SYNE1: variants seen among roughly 807,000 people sequenced by gnomAD.
SYNE1 encodes the protein spectrin repeat containing nuclear envelope protein 1, also known as nesprin-1.
In SYNE1, 616 loss-of-function variants were observed where a neutral mutation model predicts 1,111.0. The observed-to-expected ratio is 0.55, with a 90% CI of 0.52 to 0.59. The LOEUF (loss-of-function observed/expected upper bound fraction) is 0.59, where lower values mean the gene tolerates loss of function less well. Among genes scored for constraint, SYNE1 ranks in the 20% least tolerant of loss-of-function variants. SYNE1 has a pLI of 0.00. For missense variants in SYNE1, 10,006 were observed against 10,417.0 expected (o/e 0.96, Z 1.72); for synonymous variants, 3,855 against 3,825.8 (o/e 1.01, Z -0.28).
At chr6:152,231,623 A>G in intron 113 of SYNE1, 56 bp from the exon 114 acceptor site, 1 of 1,570,832 alleles carries the variant, frequency 6.4e-7, no homozygotes, top group Non-Finnish European at 8.7e-7. Context: ...TTAGTTTTCC[A>G]GGAGTTGGAA....
intron 121 of SYNE1, 64 bp from the exon 122 acceptor site, chr6:152,215,124 T>G: frequency 6.3e-7 from 1 of 1,580,996 alleles, no homozygotes; most frequent in Non-Finnish European, 8.7e-7. Flanking sequence ...TTTTTCAAAG[T>G]GCGCAGTGAA....
rs1304236184 is a variant in SYNE1 at position 152,122,283 on chromosome 6, C to T, written c.*153G>A. 8.5e-7 allele frequency: 1 copy of T among 1,181,554 alleles called. No individual in the cohort carries two copies. The highest frequency in any genetic ancestry group is 1.5e-5 in the African/African-American group (1 of 66,442). The allele number at this position is 1,181,554 out of a possible 1,614,324, so 73.2% of individuals were successfully genotyped here. ...ACTGTTTATCTTCCACCTCTGAAGC[C>T]ATAATTTGCACACATGTGATCTGGA... On this transcript the variant is annotated 3_prime_UTR_variant, in exon 146 of 146. Transcript: ENST00000367255.
rs762111366 is a variant in SYNE1, at chr6:152,416,881, C to T, written c.5556G>A (p.Leu1852=). 7.4e-6 allele frequency: 12 copies of T among 1,613,772 alleles called. No homozygotes were observed. Among genetic ancestry groups the T allele is most frequent in the Non-Finnish European group, 1.0e-5 (12 of 1,179,718 alleles). The stretch of plus-strand genomic sequence containing the variant: ...CCACAACCTGGCTGGCCTCCTCAAA[C>T]AGCTGGAAGCAGTCCTCAGCCTTTC... ...LQGKAEDCFQ[L]FEEASQVVER... Residue 1852 remains leucine, a synonymous_variant, in exon 41 of 146, where the codon CTG becomes CTA. Transcript: ENST00000367255.
intron 3 of SYNE1, among the ~76,000 whole-genome samples, chr6:152,613,756 C>T (rs1208352121): frequency 3.3e-5 from 5 of 152,138 alleles, no homozygotes; most frequent in Non-Finnish European, 7.4e-5. Flanking sequence ...CCACAGTAAC[C>T]AAAGCAGCAT....
intron 107 of SYNE1, 126 bp downstream of exon 107, chr6:152,242,114 G>A: frequency 1.0e-6 from 1 of 998,294 alleles, no homozygotes; most frequent in South Asian, 1.4e-5. Context: ...CATTTTTAAA[G>A]AATAACTTAT....
intron 6 of SYNE1, among the ~76,000 whole-genome samples, chr6:152,519,542 A>C (rs2099128755): frequency 1.3e-5 from 2 of 152,224 alleles, no homozygotes; most frequent in South Asian, 4.1e-4. Flanking sequence ...TCCCTACTGG[A>C]ATAAATAATT....
At chr6:152,224,460 T>A in intron 117 of SYNE1, 34 bp downstream of exon 117, 1 of 1,600,944 alleles carries the variant, frequency 6.2e-7, no homozygotes, top group Non-Finnish European at 8.6e-7. Flanking sequence ...AAAATTAAAA[T>A]GAACGTTAAG....
chr6:152,599,982 C>G (rs940107435), intron 3 of SYNE1, among the ~76,000 whole-genome samples: 1 of 152,000 alleles, frequency 6.6e-6, no homozygotes, highest in Non-Finnish European at 1.5e-5. Flanking sequence ...TGGGTTGAAC[C>G]AAAAAATAAT....
At chr6:152,244,783 A>T in intron 105 of SYNE1, 127 bp from the exon 106 acceptor site, 1 of 1,282,778 alleles carries the variant, frequency 7.8e-7, no homozygotes, top group Non-Finnish European at 1.1e-6. Context: ...TACAAAAGGA[A>T]TCATTTCAAT....
At chr6:152,630,045 T>C (rs183892679) in intron 2 of SYNE1, among the ~76,000 whole-genome samples, 1 of 152,188 alleles carries the variant, frequency 6.6e-6, no homozygotes, top group African/African-American at 2.4e-5. Flanking sequence ...TATTTTAAAA[T>C]GGCATTACTA....
chr6:152,421,453 T>A (rs1411783212), intron 39 of SYNE1, among the ~76,000 whole-genome samples: 1 of 152,112 alleles, frequency 6.6e-6, no homozygotes, highest in African/African-American at 2.4e-5. Context: ...TGCAAATAAG[T>A]TGATCCTACT....
Position 152,352,056 on chromosome 6 carries a change from C to T in SYNE1, c.11551G>A (p.Glu3851Lys), listed in dbSNP as rs1483177354. The change falls in exon 70 of 146, where the codon GAG becomes AAG. Residue 3851 changes from glutamate to lysine, a missense_variant. Around this residue, in one of 7 missense-constraint regions of SYNE1, gnomAD observed 4,955 missense variants for 5,017.2 expected, o/e 0.99. Transcript: ENST00000367255. ...VPEEPKMELY[E>K]KKAQLSKYKS... ...TATTTAGATAACTGAGCTTTTTTCT[C>T]ATATAATTCCATTTTGGGTTCTTCA... is the stretch of plus-strand genomic sequence containing the variant. The T allele has an allele frequency of 1.2e-5, 20 of 1,613,956 alleles. No individual in the cohort carries two copies. The highest frequency in any genetic ancestry group is 1.6e-5 in the Non-Finnish European group (19 of 1,180,032).
In SYNE1 at chr6:152,309,844, G is replaced by A. The variant is rs2095495357; in HGVS notation, c.17193C>T (p.Asn5731=). The change falls in exon 90 of 146, where the codon AAC becomes AAT. Residue 5731 remains asparagine (N), a synonymous_variant. Transcript: ENST00000367255. ...RLQHTAIQQC[N]IMQEAVVQYE... is the part of the protein sequence containing the mutation. ...GGTACCCTGCACCTGCCTGCATGATGTTACACTGCTGGATGGCGGTGTGCT... is the reference window on the plus strand; with the variant it reads ...GGTACCCTGCACCTGCCTGCATGATATTACACTGCTGGATGGCGGTGTGCT... 1 of 1,613,820 alleles carries A rather than the reference G, an allele frequency of 6.2e-7. No individual in the cohort carries two copies. Among genetic ancestry groups the A allele is most frequent in the African/African-American group, 1.3e-5 (1 of 74,932 alleles).
chr6:152,155,913 A>C lies in SYNE1; in HGVS notation c.23975T>G (p.Leu7992Arg). 6.2e-7 allele frequency: 1 copy of C among 1,613,954 alleles called. No homozygotes were observed. The highest frequency in any genetic ancestry group is 1.3e-5 in the African/African-American group (1 of 75,014). ...NICAMSMERR[L>R]KIEETWRLWQ... ...CTGTTTCAGCATCCCAGCTCACTTC[A>C]GCCTCCTTTCCATGGACATAGCACA... is the stretch of plus-strand genomic sequence containing the variant. The change falls in exon 132 of 146, where the codon CTG (leucine) becomes CGG (arginine). Residue 7992 changes from leucine to arginine, a missense_variant. By Grantham distance (102) the Leu-to-Arg change is moderately radical. Around this residue, in one of 7 missense-constraint regions of SYNE1, gnomAD observed 2,182 missense variants for 2,287.8 expected, o/e 0.95. Coordinates refer to ENST00000367255, the MANE Select transcript of SYNE1 (RefSeq NM_182961.4).
At chr6:152,560,107 C>T (rs1382614896) in intron 3 of SYNE1, among the ~76,000 whole-genome samples, 2 of 152,142 alleles carry the variant, frequency 1.3e-5, no homozygotes, top group Admixed American at 1.3e-4. Flanking sequence ...AATCCCAGCA[C>T]TGTGGGAGGC....
chr6:152,230,447 T>C (rs2082529126), intron 115 of SYNE1, 100 bp downstream of exon 115: 1 of 1,310,256 alleles, frequency 7.6e-7, no homozygotes, highest in African/African-American at 1.5e-5. Context: ...TTTTAAATAT[T>C]TAAAAAAATA....
At chr6:152,416,346 A>C (rs1404743753) in intron 41 of SYNE1, 41 bp downstream of exon 41, 2 of 1,610,608 alleles carry the variant, frequency 1.2e-6, no homozygotes, top group Admixed American at 1.7e-5. Flanking sequence ...GAACAAATAC[A>C]AAAGAAAAGA....
chr6:152,606,637 G>A (rs932697297), intron 3 of SYNE1, among the ~76,000 whole-genome samples: 3 of 142,906 alleles, frequency 2.1e-5, no homozygotes, highest in African/African-American at 8.0e-5. Flanking sequence ...TGGTTTTTCT[G>A]AGTTTTTTTG....
intron 14 of SYNE1, chr6:152,480,682 A>G: frequency 2.2e-6 from 1 of 446,630 alleles, no homozygotes; most frequent in Non-Finnish European, 4.5e-6. Context: ...AGAAGTTCCT[A>G]CCTCAATGAA....
Sources: allele counts gnomAD v4.1 joint callset (sites outside exome capture counted in the v4.1 genomes callset), GRCh38; gene constraint gnomAD v4.1.1; regional missense constraint gnomAD v4.1.1; transcripts MANE v1.5; gene names NCBI Gene and HGNC (gene_info 2026-07-23, HGNC 2026-07-21).